Variants in PALS1 observed in about 807,000 individuals in gnomAD.
The protein encoded by PALS1 is protein PALS1.
PALS1 carries 31 observed loss-of-function variants against 78.9 expected under a neutral mutation model. That is an observed-to-expected ratio of 0.39 (90% CI 0.30 to 0.53). The LOEUF is 0.53. Ranked by LOEUF, PALS1 falls within the 20% of genes least tolerant of loss-of-function variation. The pLI, the probability that PALS1 is intolerant of heterozygous loss-of-function variation, is 0.67. For missense variants in PALS1, 704 were observed against 826.5 expected (o/e 0.85, Z 1.82); for synonymous variants, 276 against 270.9 (o/e 1.02, Z -0.18).
chr14:67,303,159 T>G (rs1020570660), intron 7 of PALS1, among the ~76,000 whole-genome samples: 2 of 152,228 alleles, frequency 1.3e-5, no homozygotes. Flanking sequence ...TTTCCATCAT[T>G]GGAGAAAGTT....
intron 3 of PALS1, among the ~76,000 whole-genome samples, chr14:67,282,997 A>G (rs576219855): frequency 6.6e-6 from 1 of 152,246 alleles, no homozygotes; most frequent in African/African-American, 2.4e-5. Flanking sequence ...ACTGCCATCT[A>G]TCATATATGT....
chr14:67,312,789 C>G, intron 9 of PALS1, 79 bp downstream of exon 9: 2 of 1,098,558 alleles, frequency 1.8e-6, no homozygotes, highest in Non-Finnish European at 2.4e-6. Flanking sequence ...AAAACTCACT[C>G]TTTCATGCCT....
intron 1 of PALS1, among the ~76,000 whole-genome samples, chr14:67,262,008 C>T (rs1486838068): frequency 1.3e-5 from 2 of 152,072 alleles, no homozygotes; most frequent in African/African-American, 4.8e-5. Flanking sequence ...ATGTAACTAA[C>T]ACAGCACTGT....
intron 2 of PALS1, 103 bp from the exon 3 acceptor site, chr14:67,278,915 C>T (rs953703968): frequency 3.1e-5 from 8 of 261,736 alleles, no homozygotes; most frequent in Non-Finnish European, 5.7e-5. Flanking sequence ...ATATTACATA[C>T]TTATTATTTT....
At chr14:67,251,666 C>CAT (rs2084065025) in intron 1 of PALS1, among the ~76,000 whole-genome samples, 1 of 152,284 alleles carries the variant, frequency 6.6e-6, no homozygotes, top group East Asian at 1.9e-4. Context: ...GGCTGTGATA[C>CAT]AATAAGAAAT....
intron 14 of PALS1, among the ~76,000 whole-genome samples, chr14:67,330,305 G>A (rs2085428833): frequency 6.6e-6 from 1 of 151,614 alleles, no homozygotes; most frequent in Non-Finnish European, 1.5e-5. Context: ...AGTTTCTCAA[G>A]ATGAATGCTT....
chr14:67,311,156 C>A (rs1334352296), intron 8 of PALS1, among the ~76,000 whole-genome samples: 1 of 151,848 alleles, frequency 6.6e-6, no homozygotes, highest in Non-Finnish European at 1.5e-5. Context: ...ACTAAACATA[C>A]AAAAATTAGC....
At chr14:67,317,769 G>C (rs1479434771) in intron 11 of PALS1, among the ~76,000 whole-genome samples, 1 of 152,156 alleles carries the variant, frequency 6.6e-6, no homozygotes, top group Non-Finnish European at 1.5e-5. Context: ...GAACATACTT[G>C]AAGTAAAAAC....
Position 67,292,737 on chromosome 14 carries a change from C to T in PALS1, c.576+18C>T, listed in dbSNP as rs1196223883. 2 of 1,591,410 alleles carry T rather than the reference C, an allele frequency of 1.3e-6. No homozygotes were observed. The highest frequency in any genetic ancestry group is 1.7e-6 in the Non-Finnish European group (2 of 1,160,524). On this transcript the variant is annotated intron_variant, in intron 4 of 14. Transcript: ENST00000261681. ...CTCAAGAGGTATGTATTCTAAACAT[C>T]TTGTTGATGTCTACAAGGTAATTAG...
chr14:67,277,549 C>T (rs1003301104), intron 2 of PALS1, among the ~76,000 whole-genome samples: 1 of 151,514 alleles, frequency 6.6e-6, no homozygotes, highest in African/African-American at 2.4e-5. Context: ...AAGTGATGCC[C>T]AACTCAAGGA....
chr14:67,290,089 CT>C (rs1430232516), intron 3 of PALS1, among the ~76,000 whole-genome samples: 4 of 151,920 alleles, frequency 2.6e-5, no homozygotes, highest in Admixed American at 1.3e-4. Flanking sequence ...CTTTTTTATA[CT>C]GTCTTTGACT....
rs750419947 is a variant in PALS1 at position 67,332,802 on chromosome 14, T to C, written c.1874T>C (p.Ile625Thr). 2 of 1,611,944 alleles carry C rather than the reference T, an allele frequency of 1.2e-6. No individual in the cohort carries two copies. The highest frequency in any genetic ancestry group is 1.3e-5 in the African/African-American group (1 of 74,872). The stretch of plus-strand genomic sequence containing the variant: ...CAGCCTGAAGAGTTGAGAGAAATCA[T>C]TGAGAAGACAAGAGAGATGGAGCAG... Reference protein sequence around the residue: ...NPKPEELREIIEKTREMEQNN... With the variant: ...NPKPEELREITEKTREMEQNN... The change falls in exon 15 of 15, where the codon ATT becomes ACT. Residue 625 changes from isoleucine to threonine, a missense_variant. Transcript: ENST00000261681.
intron 8 of PALS1, among the ~76,000 whole-genome samples, chr14:67,310,783 A>C (rs563900571): frequency 5.3e-5 from 8 of 152,332 alleles, no homozygotes; most frequent in Admixed American, 5.2e-4. Context: ...GAAATTAAAA[A>C]ATATTCTTTA....
At chr14:67,329,367 G>A (rs2085406037) in intron 14 of PALS1, among the ~76,000 whole-genome samples, 1 of 152,202 alleles carries the variant, frequency 6.6e-6, no homozygotes, top group African/African-American at 2.4e-5. Flanking sequence ...TCAGCTTAAG[G>A]AGATTTTGGG....
At chr14:67,264,309 A>T (rs940795998) in intron 1 of PALS1, among the ~76,000 whole-genome samples, 2 of 152,222 alleles carry the variant, frequency 1.3e-5, no homozygotes, top group African/African-American at 4.8e-5. Flanking sequence ...AGTGTTGAGT[A>T]CATAGTGAGA....
At position 67,292,560 on chromosome 14, in the gene PALS1, A is replaced by G; in HGVS notation, c.417A>G (p.Val139=). 2 of 1,613,520 alleles carry G rather than the reference A, an allele frequency of 1.2e-6. No individual in the cohort carries two copies. Among genetic ancestry groups the G allele is most frequent in the South Asian group, 1.1e-5 (1 of 91,056 alleles). The part of the protein sequence containing the change: ...SSLKHIQHTL[V]DSQSQEDISL... ...TTAAACATATCCAACATACTTTGGT[A>G]GATTCTCAGAGCCAGGAGGATATTT... The change falls in exon 4 of 15, where the codon GTA becomes GTG. Residue 139 remains valine, a synonymous_variant. Coordinates refer to ENST00000261681, the MANE Select transcript of PALS1 (RefSeq NM_022474.4).
chr14:67,303,678 T>C, intron 8 of PALS1, 79 bp downstream of exon 8: 1 of 976,810 alleles, frequency 1.0e-6, no homozygotes, highest in South Asian at 1.3e-5. Context: ...GTTACAGAAA[T>C]GTCACTGTTT....
chr14:67,266,401 C>T (rs1719478739), intron 1 of PALS1, among the ~76,000 whole-genome samples: 1 of 152,140 alleles, frequency 6.6e-6, no homozygotes, highest in South Asian at 2.1e-4. Context: ...TCTCAGCTCA[C>T]TGCAGCCTCT....
At chr14:67,317,924 T>C (rs951875053) in intron 11 of PALS1, among the ~76,000 whole-genome samples, 1 of 152,214 alleles carries the variant, frequency 6.6e-6, no homozygotes, top group African/African-American at 2.4e-5. Context: ...GTAGCTTCTC[T>C]TAAAATCAAA....
Sources: allele counts gnomAD v4.1 joint callset (sites outside exome capture counted in the v4.1 genomes callset), GRCh38; gene constraint gnomAD v4.1.1; transcripts MANE v1.5; gene names NCBI Gene and HGNC (gene_info 2026-07-23, HGNC 2026-07-21).